The following TENM2 variants were observed in gnomAD, a reference collection of about 807,000 sequenced individuals.
TENM2 encodes the protein teneurin-2.
TENM2 carries 52 observed loss-of-function variants against 245.2 expected under a neutral mutation model. The ratio of observed to expected loss-of-function variants is 0.21; its 90% CI spans 0.17 to 0.27. The LOEUF (loss-of-function observed/expected upper bound fraction) is 0.27, where lower values mean the gene tolerates loss of function less well. Ranked by LOEUF, TENM2 falls within the 10% of genes least tolerant of loss-of-function variation. TENM2 has a pLI of 1.00. For synonymous variants in TENM2, 1,363 were observed against 1,438.9 expected (o/e 0.95, Z 1.19); for missense variants, 3,046 against 3,666.8 (o/e 0.83, Z 4.37).
intron 2 of TENM2, among the ~76,000 whole-genome samples, chr5:167,627,533 G>A (rs1778588608): frequency 6.6e-6 from 1 of 151,288 alleles, no homozygotes; most frequent in Non-Finnish European, 1.5e-5. Flanking sequence ...CCTTAAGACA[G>A]GAAGCTCATT....
the TENM2 span, among the ~76,000 whole-genome samples, chr5:167,095,530 A>G: frequency 6.6e-6 from 1 of 152,256 alleles, no homozygotes; most frequent in Non-Finnish European, 1.5e-5. Context: ...TTGTTTTATT[A>G]TGTATACCAC....
At chr5:167,039,614 C>CAAAA in the TENM2 span, among the ~76,000 whole-genome samples, 1,134 of 150,550 alleles carry the variant, frequency 7.5e-3, 10 homozygotes, top group Middle Eastern at 0.079. Context: ...TGTCAATTAA[C>CAAAA]AAAAAAAAAT....
At chr5:168,023,081 A>G (rs1786303862) in intron 5 of TENM2, among the ~76,000 whole-genome samples, 1 of 152,206 alleles carries the variant, frequency 6.6e-6, no homozygotes, top group African/African-American at 2.4e-5. Context: ...TACTGTCAGC[A>G]TGCAGCCTAA....
At chr5:167,312,361 G>T (rs1341898623) in intron 1 of TENM2, among the ~76,000 whole-genome samples, 2 of 152,128 alleles carry the variant, frequency 1.3e-5, no homozygotes, top group East Asian at 3.9e-4. Context: ...ATAGCAATCT[G>T]GTCTGGTCTA....
the TENM2 span, among the ~76,000 whole-genome samples, chr5:167,037,708 C>T: frequency 6.6e-6 from 1 of 152,066 alleles, no homozygotes; most frequent in Non-Finnish European, 1.5e-5. Flanking sequence ...ATAACAGAGG[C>T]AAGAGAGGCA....
At chr5:168,053,052 A>C (rs1332515534) in intron 6 of TENM2, among the ~76,000 whole-genome samples, 1 of 152,136 alleles carries the variant, frequency 6.6e-6, no homozygotes, top group African/African-American at 2.4e-5. Flanking sequence ...GGGTTTTAAA[A>C]TGATCACTTC....
the TENM2 span, chr5:167,168,323 A>C: frequency 6.6e-6 from 1 of 152,240 alleles, no homozygotes; most frequent in Middle Eastern, 3.1e-3. Flanking sequence ...CCTCTTCTCT[A>C]ACTTGATCCA....
chr5:168,133,625 G>T (rs1428387050), intron 12 of TENM2, among the ~76,000 whole-genome samples: 1 of 152,216 alleles, frequency 6.6e-6, no homozygotes, highest in Non-Finnish European at 1.5e-5. Flanking sequence ...ATTGAGGATA[G>T]TGAATGGAGC....
At chr5:167,539,428 T>C (rs1162515790) in intron 2 of TENM2, among the ~76,000 whole-genome samples, 1 of 152,120 alleles carries the variant, frequency 6.6e-6, no homozygotes, top group Admixed American at 6.5e-5. Context: ...CCAGTAAAAG[T>C]GCTTATTGAA....
the TENM2 span, among the ~76,000 whole-genome samples, chr5:167,200,909 A>C: frequency 1.3e-5 from 2 of 152,298 alleles, no homozygotes; most frequent in Middle Eastern, 6.8e-3. Context: ...AAAAGTAAGA[A>C]AGGCATTGAG....
chr5:167,055,623 A>G, the TENM2 span, among the ~76,000 whole-genome samples: 1 of 152,160 alleles, frequency 6.6e-6, no homozygotes, highest in South Asian at 2.1e-4. Context: ...GATCTTGTGC[A>G]TATTTTGTCA....
intron 1 of TENM2, among the ~76,000 whole-genome samples, chr5:167,328,187 C>T (rs13187898): frequency 0.54 from 74,659 of 138,156 alleles, 20,752 homozygotes; most frequent in Admixed American, 0.62. Flanking sequence ...TCCAACAGTT[C>T]GATAGTTTCT....
chr5:167,425,344 A>G (rs1472678779), intron 2 of TENM2, among the ~76,000 whole-genome samples: 1 of 152,198 alleles, frequency 6.6e-6, no homozygotes, highest in Non-Finnish European at 1.5e-5. Flanking sequence ...GTCAACAAGT[A>G]TCTTGACCTT....
the TENM2 span, among the ~76,000 whole-genome samples, chr5:166,995,814 C>CA: frequency 0.01 from 597 of 59,262 alleles, 35 homozygotes; most frequent in African/African-American, 0.025. Flanking sequence ...GACTCCATCT[C>CA]AAAAAAAAAA....
chr5:167,652,256 C>A (rs77878541), intron 2 of TENM2, among the ~76,000 whole-genome samples: 2 of 152,118 alleles, frequency 1.3e-5, no homozygotes, highest in South Asian at 2.1e-4. Context: ...TTTAAAAATG[C>A]AAATCAAATC....
the TENM2 span, among the ~76,000 whole-genome samples, chr5:167,253,161 G>T: frequency 2.6e-5 from 4 of 151,742 alleles, no homozygotes; most frequent in East Asian, 7.8e-4. Flanking sequence ...CACAATCTTG[G>T]CTCAGTGCAG....
chr5:167,929,061 G>GAA (rs778106539), intron 3 of TENM2, among the ~76,000 whole-genome samples: 2,247 of 6,248 alleles, frequency 0.36, 75 homozygotes, highest in African/African-American at 0.44. Context: ...AAGAAAGAGA[G>GAA]AAAGAAAGAA....
At chr5:167,157,163 T>C in the TENM2 span, among the ~76,000 whole-genome samples, 1 of 152,194 alleles carries the variant, frequency 6.6e-6, no homozygotes, top group Non-Finnish European at 1.5e-5. Context: ...GCCCCATTAG[T>C]TCCTTCTACC....
rs543643105 is a variant in TENM2, at chr5:167,658,275, C to T, written c.503-217711C>T. Among the ~76,000 whole-genome samples, 243 of 150,656 alleles carry T rather than the reference C, an allele frequency of 1.6e-3. 3 individuals carry two copies. The highest frequency in any genetic ancestry group is 5.6e-3 in the African/African-American group (231 of 40,932). On this transcript the variant is annotated intron_variant, in intron 2 of 28. Coordinates refer to ENST00000518659, the Ensembl canonical transcript of TENM2. ...CCCAGGCTGGAGTGTAATGCACAAT[C>T]TTGGGTCACTGCAACCTCCACCTCC... is the stretch of plus-strand genomic sequence containing the variant.
Sources: allele counts gnomAD v4.1 joint callset (sites outside exome capture counted in the v4.1 genomes callset), GRCh38; gene constraint gnomAD v4.1.1; transcripts MANE v1.5; gene names NCBI Gene and HGNC (gene_info 2026-07-23, HGNC 2026-07-21).